Variants in TM9SF2 observed in about 807,000 individuals in gnomAD.
TM9SF2 encodes the protein 76 kDa membrane protein.
A neutral mutation model predicts 84.9 loss-of-function variants in TM9SF2; 13 were observed. The observed-to-expected ratio is 0.15, with a 90% confidence interval of 0.10 to 0.24. TM9SF2 has a LOEUF of 0.24. TM9SF2 is among the 10% of genes least tolerant of loss of function. TM9SF2 has a pLI of 1.00. For missense variants in TM9SF2, 562 were observed against 818.5 expected (o/e 0.69, Z 3.82); for synonymous variants, 273 against 285.8 (o/e 0.96, Z 0.45).
At chr13:99,532,343 C>G (rs2046214467) in intron 4 of TM9SF2, among the ~76,000 whole-genome samples, 1 of 152,120 alleles carries the variant, frequency 6.6e-6, no homozygotes, top group Non-Finnish European at 1.5e-5. Flanking sequence ...AGCCACCGCG[C>G]CCGGCCTTGT....
chr13:99,544,088 A>G lies in TM9SF2; in HGVS notation c.1150+93A>G, dbSNP rs944475279. The G allele has an allele frequency of 2.1e-6, 3 of 1,442,990 alleles. No homozygotes were observed. The African/African-American group carries it at 4.2e-5, about 20-fold the overall frequency. The allele number at this position is 1,442,990 out of a possible 1,614,324, so 89.4% of individuals were successfully genotyped here. On this transcript the variant is annotated intron_variant, in intron 10 of 16. Transcript: ENST00000376387. ...TTTTTCTGGCCGGGCATGGTGGCTC[A>G]TGCCTGTAATCCTAGCACTTTGGGA...
At chr13:99,545,604 G>A (rs117664547) in intron 10 of TM9SF2, among the ~76,000 whole-genome samples, 3,183 of 151,562 alleles carry the variant, frequency 0.021, 55 homozygotes, top group Non-Finnish European at 0.032. Context: ...GCCTCGCTCT[G>A]TCACCAGGCT....
At chr13:99,555,699 A>G (rs1421302219) in intron 15 of TM9SF2, 52 bp downstream of exon 15, 3 of 1,235,668 alleles carry the variant, frequency 2.4e-6, no homozygotes, top group Non-Finnish European at 1.2e-6. Context: ...TAACTTTGGC[A>G]TATTGCAATT....
chr13:99,522,220 C>T (rs559950861), intron 3 of TM9SF2, among the ~76,000 whole-genome samples: 19 of 152,146 alleles, frequency 1.2e-4, no homozygotes, highest in Non-Finnish European at 2.5e-4. Context: ...GGGGTTTTGC[C>T]AAGTTGGCCA....
Position 99,539,482 on chromosome 13 carries a change from A to AG in TM9SF2, c.756dup (p.Pro253AlafsTer7), listed in dbSNP as rs769759395. 1 of 1,613,550 alleles carries AG rather than the reference A, an allele frequency of 6.2e-7. No homozygotes were observed. The highest frequency in any genetic ancestry group is 8.5e-7 in the Non-Finnish European group (1 of 1,179,618). Reference sequence around the variant, plus strand: ...CCCATATAGATAAACCAGACTGCTCAGGGCCCCCCATGGACATAAGTAACA... The same window carrying AG: ...CCCATATAGATAAACCAGACTGCTCAGGGGCCCCCCATGGACATAAGTAACA... On this transcript the variant is annotated frameshift_variant, in exon 7 of 17. Coordinates refer to ENST00000376387, the MANE Select transcript of TM9SF2 (RefSeq NM_004800.3). LOFTEE classifies it high-confidence loss of function.
At chr13:99,503,509 G>C (rs1032159278) in intron 1 of TM9SF2, among the ~76,000 whole-genome samples, 19 of 152,228 alleles carry the variant, frequency 1.2e-4, no homozygotes, top group African/African-American at 4.6e-4. Context: ...AGGAGTTTAA[G>C]ACCAGCCTGG....
chr13:99,512,447 A>C lies in TM9SF2; in HGVS notation c.172-5167A>C, dbSNP rs185033165. Among the ~76,000 whole-genome samples, 92 of 152,330 alleles carry C rather than the reference A, an allele frequency of 6.0e-4. 1 individual carries two copies. Among genetic ancestry groups the C allele is most frequent in the African/African-American group, 2.0e-3 (85 of 41,560 alleles). ...TTCATCAGATCAGGAAGGGTTGACA[A>C]ATAAGGTACATTTAATGGGTATTAG... is the stretch of plus-strand genomic sequence containing the variant. On this transcript the variant is annotated intron_variant, in intron 1 of 16. Coordinates refer to ENST00000376387, the MANE Select transcript of TM9SF2 (RefSeq NM_004800.3).
At chr13:99,501,992 G>T (rs2046068359) in intron 1 of TM9SF2, among the ~76,000 whole-genome samples, 1 of 152,220 alleles carries the variant, frequency 6.6e-6, no homozygotes, top group South Asian at 2.1e-4. Flanking sequence ...GTGGGCCTCA[G>T]ACTCGCCTCC....
In TM9SF2 at chr13:99,543,475, A is replaced by G; in HGVS notation, c.1018-388A>G. Among the ~76,000 whole-genome samples the G allele has an allele frequency of 1.3e-5, 2 of 152,222 alleles. 1 individual carries two copies. Among genetic ancestry groups the G allele is most frequent in the South Asian group, 4.1e-4 (2 of 4,836 alleles). ...ATTAGCAAAGTAGCTAGAATATGAGAGCTAATGCCATTTGCTTATTGTGGA... is the reference window on the plus strand; with the variant it reads ...ATTAGCAAAGTAGCTAGAATATGAGGGCTAATGCCATTTGCTTATTGTGGA... On this transcript the variant is annotated intron_variant, in intron 9 of 16. Transcript: ENST00000376387.
At chr13:99,532,826 T>C (rs1418386519) in intron 4 of TM9SF2, among the ~76,000 whole-genome samples, 4 of 152,248 alleles carry the variant, frequency 2.6e-5, no homozygotes, top group African/African-American at 9.6e-5. Flanking sequence ...CTGAATGATT[T>C]GTAATCAGCA....
At chr13:99,512,535 G>A (rs1441666352) in intron 1 of TM9SF2, among the ~76,000 whole-genome samples, 1 of 152,176 alleles carries the variant, frequency 6.6e-6, no homozygotes, top group Non-Finnish European at 1.5e-5. Flanking sequence ...AAGAAAATGA[G>A]GGAGGAAAGG....
chr13:99,511,798 CAG>C (rs2046114659), intron 1 of TM9SF2, among the ~76,000 whole-genome samples: 1 of 152,086 alleles, frequency 6.6e-6, no homozygotes, highest in South Asian at 2.1e-4. Flanking sequence ...GGAAAGGTGT[CAG>C]AAGAGACAAG....
chr13:99,529,627 A>C (rs1179843655), intron 4 of TM9SF2, 33 bp downstream of exon 4: 6 of 1,482,384 alleles, frequency 4.0e-6, no homozygotes, highest in Non-Finnish European at 4.5e-6. Context: ...TTTGGGGTTT[A>C]TCCTTTCCAT....
At chr13:99,545,565 T>G (rs776713441) in intron 10 of TM9SF2, among the ~76,000 whole-genome samples, 34 of 149,950 alleles carry the variant, frequency 2.3e-4, no homozygotes, top group Non-Finnish European at 3.6e-4. Flanking sequence ...ACTTCTGCTT[T>G]CTTTCTTTCT....
intron 3 of TM9SF2, among the ~76,000 whole-genome samples, chr13:99,525,392 C>G (rs1198646066): frequency 6.6e-6 from 1 of 152,024 alleles, no homozygotes; most frequent in Non-Finnish European, 1.5e-5. Flanking sequence ...CAGGTGCCTG[C>G]CACCACACCT....
rs1164307573 is a variant in TM9SF2, at chr13:99,532,130, C to T, written c.461+2536C>T. ...GCAGTGGCGCAATCTCGGCTCACTG[C>T]AAGCTCCGCCTCCCGGGTCCACGCC... On this transcript the variant is annotated intron_variant, in intron 4 of 16. Coordinates refer to ENST00000376387, the MANE Select transcript of TM9SF2 (RefSeq NM_004800.3). 2.6e-5 allele frequency among the ~76,000 whole-genome samples: 4 copies of T among 151,628 alleles called. No homozygotes were observed. The East Asian group carries it at 7.9e-4, about 30-fold the overall frequency.
intron 3 of TM9SF2, among the ~76,000 whole-genome samples, chr13:99,521,346 A>C (rs1022424863): frequency 6.6e-6 from 1 of 152,184 alleles, no homozygotes; most frequent in Non-Finnish European, 1.5e-5. Flanking sequence ...GCATCTGTCC[A>C]CATGAGAATG....
At chr13:99,538,893 T>C (rs1048472157) in intron 6 of TM9SF2, among the ~76,000 whole-genome samples, 2 of 151,692 alleles carry the variant, frequency 1.3e-5, no homozygotes, top group East Asian at 3.9e-4. Context: ...AGCAAGACCT[T>C]GTCTCAAAAA....
chr13:99,549,668 C>A (rs1594060054), intron 12 of TM9SF2, among the ~76,000 whole-genome samples: 1 of 152,190 alleles, frequency 6.6e-6, no homozygotes, highest in Non-Finnish European at 1.5e-5. Context: ...TAAGCAGCCA[C>A]CACAAATCCA....
Sources: gnomAD v4.1 joint callset for allele counts (sites outside exome capture counted in the v4.1 genomes callset) on GRCh38, gnomAD v4.1.1 for gene constraint, MANE v1.5 for transcripts, NCBI Gene and HGNC (gene_info 2026-07-23, HGNC 2026-07-21) for gene names.